GABBR2: variants seen among roughly 807,000 people sequenced by gnomAD.
GABBR2 encodes gamma-aminobutyric acid type B receptor subunit 2, also known as G-protein coupled receptor 51.
A neutral mutation model predicts 105.6 loss-of-function variants in GABBR2; 23 were observed. That is an observed-to-expected ratio of 0.22 (90% confidence interval 0.16 to 0.31). GABBR2 has a LOEUF of 0.31. Among genes scored for constraint, GABBR2 ranks in the 10% least tolerant of loss-of-function variants. GABBR2 has a pLI of 1.00. For missense variants in GABBR2, 734 were observed against 1,245.5 expected (o/e 0.59, Z 6.18); for synonymous variants, 478 against 499.7 (o/e 0.96, Z 0.58).
intron 1 of GABBR2, among the ~76,000 whole-genome samples, chr9:98,644,468 G>A (rs770783829): frequency 2.0e-5 from 3 of 152,214 alleles, no homozygotes; most frequent in Non-Finnish European, 4.4e-5. Flanking sequence ...CTCTAGTGCA[G>A]GACAGTTCTC....
intron 1 of GABBR2, among the ~76,000 whole-genome samples, chr9:98,666,608 A>G (rs756390017): frequency 1.6e-4 from 25 of 152,268 alleles, no homozygotes; most frequent in South Asian, 2.1e-4. Flanking sequence ...TCAGACCTCA[A>G]GTGATCCTCT....
At chr9:98,318,477 T>G (rs900585344) in intron 13 of GABBR2, among the ~76,000 whole-genome samples, 2 of 152,154 alleles carry the variant, frequency 1.3e-5, no homozygotes, top group African/African-American at 4.8e-5. Context: ...TTGACAATCA[T>G]GTGCTTCTGT....
At chr9:98,645,753 T>C (rs1253616403) in intron 1 of GABBR2, among the ~76,000 whole-genome samples, 1 of 152,230 alleles carries the variant, frequency 6.6e-6, no homozygotes, top group Non-Finnish European at 1.5e-5. Context: ...TATTGAGCAC[T>C]ATTGAACCTT....
intron 7 of GABBR2, among the ~76,000 whole-genome samples, chr9:98,442,882 A>G (rs1386757184): frequency 2.0e-5 from 3 of 152,280 alleles, no homozygotes; most frequent in African/African-American, 7.2e-5. Flanking sequence ...GCTGTCTTCA[A>G]ATCTCCCCTT....
At chr9:98,653,487 G>T (rs1167942133) in intron 1 of GABBR2, among the ~76,000 whole-genome samples, 1 of 152,220 alleles carries the variant, frequency 6.6e-6, no homozygotes, top group Non-Finnish European at 1.5e-5. Flanking sequence ...TTGAAAAACA[G>T]ATTAAGTTAG....
intron 16 of GABBR2, among the ~76,000 whole-genome samples, chr9:98,301,081 G>C (rs529669078): frequency 2.0e-5 from 3 of 152,276 alleles, no homozygotes; most frequent in African/African-American, 7.2e-5. Context: ...TCATGTCCTT[G>C]GTAATAAGCT....
intron 1 of GABBR2, among the ~76,000 whole-genome samples, chr9:98,663,843 TATA>T: frequency 6.6e-6 from 1 of 152,100 alleles, no homozygotes; most frequent in Admixed American, 6.5e-5. Flanking sequence ...ATCCCAAATT[TATA>T]CAAGTAATCA....
At chr9:98,403,844 T>C (rs1424334336) in intron 8 of GABBR2, among the ~76,000 whole-genome samples, 1 of 151,674 alleles carries the variant, frequency 6.6e-6, no homozygotes, top group Non-Finnish European at 1.5e-5. Flanking sequence ...CCATATTCCA[T>C]GAAGGTAGTT....
At chr9:98,339,809 A>G (rs12236069) in intron 13 of GABBR2, among the ~76,000 whole-genome samples, 70,051 of 151,982 alleles carry the variant, frequency 0.46, 16,666 homozygotes, top group East Asian at 0.75. Flanking sequence ...TGGAGCTCAC[A>G]TTCTAGTGAA....
At chr9:98,612,552 C>T (rs894227512) in intron 1 of GABBR2, among the ~76,000 whole-genome samples, 6 of 152,190 alleles carry the variant, frequency 3.9e-5, no homozygotes, top group African/African-American at 1.2e-4. Context: ...GTGACAAGCA[C>T]TGTTTTATGA....
chr9:98,436,502 A>G (rs1825929516), intron 7 of GABBR2, among the ~76,000 whole-genome samples: 1 of 146,590 alleles, frequency 6.8e-6, no homozygotes, highest in Non-Finnish European at 1.5e-5. Context: ...CTTCAGAGCA[A>G]CCCAGTGAGG....
intron 13 of GABBR2, among the ~76,000 whole-genome samples, chr9:98,330,273 A>T (rs1022909432): frequency 1.3e-5 from 2 of 152,180 alleles, no homozygotes; most frequent in Admixed American, 1.3e-4. Context: ...ACTTGGCAAA[A>T]ATTCTATGTT....
intron 1 of GABBR2, among the ~76,000 whole-genome samples, chr9:98,636,076 G>A (rs898905481): frequency 6.6e-6 from 1 of 152,056 alleles, no homozygotes; most frequent in Non-Finnish European, 1.5e-5. Context: ...GTAGTCCTGG[G>A]CTTCTTACCT....
At chr9:98,519,834 G>A (rs1267100030) in intron 3 of GABBR2, among the ~76,000 whole-genome samples, 3 of 152,100 alleles carry the variant, frequency 2.0e-5, no homozygotes, top group African/African-American at 7.2e-5. Context: ...AATGGGTGTG[G>A]CTATGTTCCA....
chr9:98,692,274 G>T (rs888721837), intron 1 of GABBR2, among the ~76,000 whole-genome samples: 3 of 152,134 alleles, frequency 2.0e-5, no homozygotes, highest in Non-Finnish European at 4.4e-5. Flanking sequence ...GCTTGCTCCT[G>T]AATGGAACTC....
intron 1 of GABBR2, among the ~76,000 whole-genome samples, chr9:98,694,670 C>T (rs543062183): frequency 3.3e-4 from 51 of 152,268 alleles, no homozygotes; most frequent in African/African-American, 1.2e-3. Flanking sequence ...TGTTTAGTTT[C>T]GGGCGTATTT....
Position 98,288,332 on chromosome 9 carries a change from C to A in GABBR2, c.*2252G>T, listed in dbSNP as rs541234682. On this transcript the variant is annotated 3_prime_UTR_variant, in exon 19 of 19. Coordinates refer to ENST00000259455, the MANE Select transcript of GABBR2 (RefSeq NM_005458.8). Reference sequence around the variant, plus strand: ...AACCATTAAGTAGCTAGAGTCACTTCTGTGGGTCTTGTTATTTGCGAGGAA... The same window carrying A: ...AACCATTAAGTAGCTAGAGTCACTTATGTGGGTCTTGTTATTTGCGAGGAA... 189 of 152,546 alleles carry A rather than the reference C, an allele frequency of 1.2e-3. 1 individual carries two copies. Among genetic ancestry groups the A allele is most frequent in the African/African-American group, 4.4e-3 (183 of 41,472 alleles). 9.4% of individuals were successfully genotyped at this position (152,546 alleles called of 1,614,324 possible).
intron 6 of GABBR2, among the ~76,000 whole-genome samples, chr9:98,468,637 C>T (rs1231524571): frequency 6.6e-6 from 1 of 152,172 alleles, no homozygotes; most frequent in East Asian, 1.9e-4. Flanking sequence ...ATAACCATGT[C>T]ACAGAGCTTG....
At chr9:98,352,852 G>A (rs1449926059) in intron 13 of GABBR2, among the ~76,000 whole-genome samples, 2 of 152,210 alleles carry the variant, frequency 1.3e-5, no homozygotes, top group East Asian at 3.9e-4. Flanking sequence ...TATGGCTGGT[G>A]TCATAATGCT....
Sources: allele counts gnomAD v4.1 joint callset (sites outside exome capture counted in the v4.1 genomes callset), GRCh38; gene constraint gnomAD v4.1.1; transcripts MANE v1.5; gene names NCBI Gene and HGNC (gene_info 2026-07-23, HGNC 2026-07-21).